Variants in MDGA2 observed in about 807,000 individuals in gnomAD.
MDGA2 encodes MAM domain containing glycosylphosphatidylinositol anchor 2, also known as MAM domain-containing glycosylphosphatidylinositol anchor protein 2.
Under a neutral mutation model 117.8 loss-of-function variants are expected in MDGA2, and 40 were observed. The ratio of observed to expected loss-of-function variants is 0.34; its 90% CI spans 0.26 to 0.44. MDGA2 has a LOEUF of 0.44. Among genes scored for constraint, MDGA2 ranks in the 20% least tolerant of loss-of-function variants. The pLI is 1.00. For missense variants in MDGA2, 1,123 were observed against 1,250.6 expected, an observed-to-expected ratio of 0.90 and a Z score of 1.54; for synonymous variants, 452 against 439.0, an observed-to-expected ratio of 1.03 and a Z score of -0.37.
At chr14:47,496,795 T>C (rs1894290791) in intron 1 of MDGA2, among the ~76,000 whole-genome samples, 1 of 151,230 alleles carries the variant, frequency 6.6e-6, no homozygotes, top group South Asian at 2.1e-4. Context: ...ATATTATACA[T>C]ATATGCTCAG....
intron 5 of MDGA2, among the ~76,000 whole-genome samples, chr14:47,119,074 G>A (rs1287212559): frequency 7.0e-6 from 1 of 143,494 alleles, no homozygotes; most frequent in Non-Finnish European, 1.5e-5. Flanking sequence ...TTTTTGAGAC[G>A]GAGTCTCGCT....
intron 14 of MDGA2, among the ~76,000 whole-genome samples, chr14:46,856,802 A>C (rs1881285152): frequency 6.6e-6 from 1 of 152,072 alleles, no homozygotes; most frequent in Non-Finnish European, 1.5e-5. Context: ...TAAAAAAATA[A>C]AAATTTAAGA....
At position 47,340,650 on chromosome 14, in the gene MDGA2, C is replaced by G. The variant is rs138905565; in HGVS notation, c.281-39100G>C. Among the ~76,000 whole-genome samples the G allele has an allele frequency of 6.2e-3, 944 of 152,230 alleles. 5 individuals carry two copies. The highest frequency in any genetic ancestry group is 0.015 in the Admixed American group (230 of 15,274). ...GACCTCTTAGGGTTTGTGAATGTAGCCTTTTATGAGACAGAGTAACAAGAG... is the reference window on the plus strand; with the variant it reads ...GACCTCTTAGGGTTTGTGAATGTAGGCTTTTATGAGACAGAGTAACAAGAG... On this transcript the variant is annotated intron_variant, in intron 1 of 16. Transcript: ENST00000399232.
At chr14:47,486,796 G>A (rs1894070725) in intron 1 of MDGA2, among the ~76,000 whole-genome samples, 1 of 152,092 alleles carries the variant, frequency 6.6e-6, no homozygotes, top group Non-Finnish European at 1.5e-5. Flanking sequence ...GACATAACTT[G>A]CTCCCCCTTG....
intron 5 of MDGA2, among the ~76,000 whole-genome samples, chr14:47,122,286 G>A (rs993600725): frequency 1.4e-4 from 21 of 151,984 alleles, no homozygotes; most frequent in African/African-American, 4.8e-4. Flanking sequence ...GTTCAATAAT[G>A]CTTCTTTAGG....
chr14:47,360,826 G>A (rs747568099), intron 1 of MDGA2, among the ~76,000 whole-genome samples: 29 of 152,080 alleles, frequency 1.9e-4, no homozygotes, highest in Non-Finnish European at 4.1e-4. Flanking sequence ...CAACTTAAGT[G>A]TCAGGTGGAT....
intron 1 of MDGA2, among the ~76,000 whole-genome samples, chr14:47,440,047 A>G (rs1256621461): frequency 6.6e-6 from 1 of 151,906 alleles, no homozygotes; most frequent in Non-Finnish European, 1.5e-5. Flanking sequence ...CAAGATTCTC[A>G]GCAGAAACCT....
At chr14:47,161,434 AT>A (rs1323299030) in intron 3 of MDGA2, among the ~76,000 whole-genome samples, 1 of 152,040 alleles carries the variant, frequency 6.6e-6, no homozygotes, top group Admixed American at 6.6e-5. Flanking sequence ...AACAATCACC[AT>A]TTTATTACTT....
intron 1 of MDGA2, among the ~76,000 whole-genome samples, chr14:47,572,081 G>C (rs1002584128): frequency 5.9e-5 from 9 of 152,144 alleles, no homozygotes; most frequent in African/African-American, 1.7e-4. Context: ...TGTCTTCCAT[G>C]TCTGTTTTAC....
intron 2 of MDGA2, 94 bp downstream of exon 2, chr14:47,301,317 A>T: frequency 2.4e-6 from 3 of 1,243,502 alleles, no homozygotes; most frequent in African/African-American, 1.7e-5. Context: ...ACACACACAC[A>T]CACAGTTTTA....
intron 1 of MDGA2, among the ~76,000 whole-genome samples, chr14:47,301,765 AC>A (rs1889293600): frequency 6.6e-6 from 1 of 152,220 alleles, no homozygotes; most frequent in Non-Finnish European, 1.5e-5. Flanking sequence ...TTCCAGGGGA[AC>A]AAGGTAGTGG....
chr14:46,960,947 T>TACAC (rs539775019), intron 8 of MDGA2, among the ~76,000 whole-genome samples: 5,306 of 136,998 alleles, frequency 0.039, 284 homozygotes, highest in Admixed American at 0.17. Flanking sequence ...CGTATATATA[T>TACAC]ATACACACAC....
chr14:47,372,700 A>C (rs900269706), intron 1 of MDGA2, among the ~76,000 whole-genome samples: 1 of 151,970 alleles, frequency 6.6e-6, no homozygotes, highest in Non-Finnish European at 1.5e-5. Context: ...AGTCATCCTA[A>C]TTTGGGGAAT....
At chr14:47,081,387 A>G (rs1890702871) in intron 6 of MDGA2, among the ~76,000 whole-genome samples, 1 of 152,148 alleles carries the variant, frequency 6.6e-6, no homozygotes, top group East Asian at 1.9e-4. Flanking sequence ...TTTCCAATTA[A>G]GTAATATTTT....
At chr14:47,326,974 G>A (rs1339490513) in intron 1 of MDGA2, among the ~76,000 whole-genome samples, 1 of 152,118 alleles carries the variant, frequency 6.6e-6, no homozygotes, top group Non-Finnish European at 1.5e-5. Context: ...GCTTACCAAG[G>A]AGAGGATGGA....
intron 10 of MDGA2, among the ~76,000 whole-genome samples, chr14:46,913,044 T>G (rs2138487704): frequency 6.6e-6 from 1 of 152,236 alleles, no homozygotes; most frequent in East Asian, 1.9e-4. Flanking sequence ...GTTTAATGCT[T>G]TCCAGAGCAT....
At chr14:47,127,716 T>C (rs1256750818) in intron 5 of MDGA2, among the ~76,000 whole-genome samples, 1 of 152,102 alleles carries the variant, frequency 6.6e-6, no homozygotes, top group African/African-American at 2.4e-5. Context: ...AACATAAAGC[T>C]GAAAGGTTAA....
At chr14:46,903,092 G>T (rs555614068) in intron 10 of MDGA2, among the ~76,000 whole-genome samples, 1 of 152,264 alleles carries the variant, frequency 6.6e-6, no homozygotes, top group East Asian at 1.9e-4. Flanking sequence ...TCTGTGAGGT[G>T]GGAGCGCTGG....
chr14:47,491,492 A>G (rs938555853), intron 1 of MDGA2, among the ~76,000 whole-genome samples: 39 of 152,298 alleles, frequency 2.6e-4, no homozygotes, highest in African/African-American at 9.1e-4. Flanking sequence ...TACGAAGGAA[A>G]GACTAGATAG....
Sources: allele counts gnomAD v4.1 joint callset (sites outside exome capture counted in the v4.1 genomes callset), GRCh38; gene constraint gnomAD v4.1.1; transcripts MANE v1.5; gene names NCBI Gene and HGNC (gene_info 2026-07-23, HGNC 2026-07-21).